Variants in TUBB3 observed in about 807,000 individuals in gnomAD.
The protein encoded by TUBB3 is tubulin beta 3 class III, also known as tubulin beta-3 chain.
TUBB3 carries 17 observed loss-of-function variants against 37.8 expected under a neutral mutation model. That is an observed-to-expected ratio of 0.45 (90% CI 0.31 to 0.67). The LOEUF (loss-of-function observed/expected upper bound fraction) is 0.67. Ranked by LOEUF, TUBB3 falls within the 30% of genes least tolerant of loss-of-function variation. The pLI is 0.07. For missense variants in TUBB3, 262 were observed against 657.9 expected (o/e 0.40, Z 6.58); for synonymous variants, 332 against 278.9 (o/e 1.19, Z -1.90).
At position 89,923,349 on chromosome 16, in the gene TUBB3, G is replaced by A; in HGVS notation, c.-53G>A. ...CGGCCGCGGTCCCCGACCCTCAGCA[G>A]CCAGCCCGGCCCGCCCGCGCCCGTC... On this transcript the variant is annotated 5_prime_UTR_variant, in exon 1 of 4. Coordinates refer to ENST00000315491, the MANE Select transcript of TUBB3 (RefSeq NM_006086.4). 1 of 1,420,316 alleles carries A rather than the reference G, an allele frequency of 7.0e-7. No homozygotes were observed. Among genetic ancestry groups the A allele is most frequent in the Non-Finnish European group, 9.3e-7 (1 of 1,078,644 alleles). The allele number at this position is 1,420,316 out of a possible 1,614,324, so 88.0% of individuals were successfully genotyped here.
Position 89,923,361 on chromosome 16 carries a change from C to G in TUBB3, c.-41C>G, listed in dbSNP as rs778581450. 4 of 1,435,858 alleles carry G rather than the reference C, an allele frequency of 2.8e-6. No homozygotes were observed. Among genetic ancestry groups the G allele is most frequent in the African/African-American group, 1.5e-5 (1 of 66,794 alleles). The allele number at this position is 1,435,858 out of a possible 1,614,324, so 88.9% of individuals were successfully genotyped here. ...CCGACCCTCAGCAGCCAGCCCGGCC[C>G]GCCCGCGCCCGTCCGCAGCCGCCCG... On this transcript the variant is annotated 5_prime_UTR_variant, in exon 1 of 4. Coordinates refer to ENST00000315491, the MANE Select transcript of TUBB3 (RefSeq NM_006086.4).
chr16:89,931,671 C>G (rs1340946989), intron 1 of TUBB3: 1 of 173,944 alleles, frequency 5.7e-6, no homozygotes, highest in East Asian at 1.4e-4. Context: ...TCATCGTGCC[C>G]ATTGTACAGA....
intron 1 of TUBB3, among the ~76,000 whole-genome samples, chr16:89,926,844 A>G (rs1038733335): frequency 2.0e-5 from 3 of 151,940 alleles, no homozygotes; most frequent in Admixed American, 6.6e-5. Flanking sequence ...CAGCCTCCTG[A>G]GTAGCTGGGA....
chr16:89,928,588 A>T (rs2030168533), intron 1 of TUBB3, among the ~76,000 whole-genome samples: 1 of 149,780 alleles, frequency 6.7e-6, no homozygotes, highest in African/African-American at 2.5e-5. Context: ...ACGGTGGCAC[A>T]ATCTCGGTTC....
intron 1 of TUBB3, 97 bp downstream of exon 1, chr16:89,923,555 G>A (rs1762812141): frequency 1.7e-6 from 2 of 1,183,324 alleles, no homozygotes; most frequent in South Asian, 2.6e-5. Context: ...CCGCCCCTGC[G>A]AACCTGCAAC....
chr16:89,930,393 G>T (rs542136122), intron 1 of TUBB3, among the ~76,000 whole-genome samples: 1 of 151,814 alleles, frequency 6.6e-6, no homozygotes, highest in Non-Finnish European at 1.5e-5. Context: ...GTGAGCCACC[G>T]TGCCCAGCTA....
At chr16:89,933,016 C>T (rs1445212061) in intron 2 of TUBB3, 1 of 484,654 alleles carries the variant, frequency 2.1e-6, no homozygotes, top group East Asian at 4.1e-5. Flanking sequence ...TAGTCAGGGG[C>T]TCTTTAGCAA....
chr16:89,934,700 T>A (rs756261952), intron 3 of TUBB3, 29 bp from the exon 4 acceptor site: 6 of 1,610,102 alleles, frequency 3.7e-6, no homozygotes, highest in Non-Finnish European at 5.1e-6. Flanking sequence ...CCCTGGCCCC[T>A]GTCTCTTACC....
intron 2 of TUBB3, 90 bp downstream of exon 2, chr16:89,932,769 A>G: frequency 9.6e-7 from 1 of 1,039,454 alleles, no homozygotes; most frequent in Non-Finnish European, 1.5e-6. Context: ...TGGACTCACC[A>G]GCTCTCAGCA....
At chr16:89,926,590 A>C (rs1410745485) in intron 1 of TUBB3, among the ~76,000 whole-genome samples, 1 of 152,206 alleles carries the variant, frequency 6.6e-6, no homozygotes, top group Non-Finnish European at 1.5e-5. Flanking sequence ...GTTTTTGGTT[A>C]TGAGAGGAGG....
intron 1 of TUBB3, among the ~76,000 whole-genome samples, chr16:89,926,543 T>C (rs887077537): frequency 2.0e-5 from 3 of 152,244 alleles, no homozygotes; most frequent in African/African-American, 7.2e-5. Context: ...GCGCCTGGCC[T>C]CGAACGCCGG....
chr16:89,926,199 G>T (rs888665349), intron 1 of TUBB3, among the ~76,000 whole-genome samples: 1 of 152,280 alleles, frequency 6.6e-6, no homozygotes, highest in East Asian at 1.9e-4. Context: ...GCCTGCAGCG[G>T]CGGAGGGGGG....
rs28593634 is a variant in TUBB3, at chr16:89,932,522, C to T, written c.58-49C>T. 135,409 of 1,513,978 alleles carry T rather than the reference C, an allele frequency of 0.089. 13,091 individuals carry two copies. Among genetic ancestry groups the T allele is most frequent in the African/African-American group, 0.48 (35,205 of 72,918 alleles). The allele number at this position is 1,513,978 out of a possible 1,614,324, so 93.8% of individuals were successfully genotyped here. ...AGGCTTCACAAGGGAAAGGGCCTGG[C>T]TGGGGCTATGGGCCGGTGCCGACCC... On this transcript the variant is annotated intron_variant, in intron 1 of 3. Transcript: ENST00000315491.
chr16:89,932,398 T>C (rs1279155285), intron 1 of TUBB3, among the ~76,000 whole-genome samples, 173 bp from the exon 2 acceptor site: 2 of 152,184 alleles, frequency 1.3e-5, no homozygotes, highest in Non-Finnish European at 1.5e-5. Flanking sequence ...ATATTTATTA[T>C]GGCAATTTTC....
chr16:89,924,066 C>G (rs1358483253), intron 1 of TUBB3, among the ~76,000 whole-genome samples: 1 of 152,210 alleles, frequency 6.6e-6, no homozygotes, highest in Non-Finnish European at 1.5e-5. Context: ...TCGGCGCAGC[C>G]GCTCCTGGGC....
intron 1 of TUBB3, among the ~76,000 whole-genome samples, chr16:89,927,244 A>G (rs1227620668): frequency 6.6e-6 from 1 of 151,732 alleles, no homozygotes; most frequent in Non-Finnish European, 1.5e-5. Flanking sequence ...TTAGCTGGAC[A>G]TGGAGGCACG....
chr16:89,923,785 C>A (rs1187788476), intron 1 of TUBB3, among the ~76,000 whole-genome samples: 1 of 151,670 alleles, frequency 6.6e-6, no homozygotes, highest in African/African-American at 2.4e-5. Flanking sequence ...CCTGTCTGGG[C>A]GTGGCCCTCT....
At chr16:89,928,645 C>T (rs2030170325) in intron 1 of TUBB3, among the ~76,000 whole-genome samples, 1 of 152,038 alleles carries the variant, frequency 6.6e-6, no homozygotes, top group African/African-American at 2.4e-5. Flanking sequence ...CTGAGTCAGC[C>T]TCCCAAGTAG....
chr16:89,935,467 G>T lies in TUBB3; in HGVS notation c.1016G>T (p.Ser339Ile). 1 of 1,614,258 alleles carries T rather than the reference G, an allele frequency of 6.2e-7. No homozygotes were observed. Among genetic ancestry groups the T allele is most frequent in the Non-Finnish European group, 8.5e-7 (1 of 1,180,054 alleles). ...CTGGCCATCCAGAGCAAGAACAGCAGCTACTTCGTGGAGTGGATCCCCAAC... is the reference window on the plus strand; with the variant it reads ...CTGGCCATCCAGAGCAAGAACAGCATCTACTTCGTGGAGTGGATCCCCAAC... The part of the protein sequence containing the change: ...QMLAIQSKNS[S>I]YFVEWIPNNV... The change falls in exon 4 of 4, where the codon AGC (serine) becomes ATC (isoleucine). Residue 339 changes from serine (S) to isoleucine (I), a missense_variant. Ser to Ile is a moderately radical substitution (Grantham distance 142). Transcript: ENST00000315491.
Sources: gnomAD v4.1 joint callset for allele counts (sites outside exome capture counted in the v4.1 genomes callset) on GRCh38, gnomAD v4.1.1 for gene constraint, MANE v1.5 for transcripts, NCBI Gene and HGNC (gene_info 2026-07-23, HGNC 2026-07-21) for gene names.